CDYL: variants seen among roughly 807,000 people sequenced by gnomAD.
The protein encoded by CDYL is chromodomain Y like, also known as chromodomain Y-like protein.
In CDYL, 8 loss-of-function variants were observed where a neutral mutation model predicts 47.3. The ratio of observed to expected loss-of-function variants is 0.17; its 90% CI spans 0.10 to 0.31. CDYL has a LOEUF of 0.31. CDYL is among the 10% of genes least tolerant of loss of function. CDYL has a pLI of 1.00. For synonymous variants in CDYL, 266 were observed against 265.0 expected, an observed-to-expected ratio of 1.00 and a Z score of -0.04; for missense variants, 471 against 701.4, an observed-to-expected ratio of 0.67 and a Z score of 3.71.
chr6:4,912,289 A>G (rs1442503279), intron 2 of CDYL, among the ~76,000 whole-genome samples: 1 of 151,650 alleles, frequency 6.6e-6, no homozygotes, highest in Non-Finnish European at 1.5e-5. Flanking sequence ...GGTGAATCTG[A>G]TTTGACCCAT....
At chr6:4,731,518 C>T (rs1015850136) in intron 2 of CDYL, among the ~76,000 whole-genome samples, 3 of 152,224 alleles carry the variant, frequency 2.0e-5, no homozygotes, top group Non-Finnish European at 2.9e-5. Flanking sequence ...GCCTCCTGGC[C>T]GGGCATGGTG....
intron 1 of CDYL, among the ~76,000 whole-genome samples, chr6:4,810,873 AC>A (rs1341307489): frequency 6.6e-6 from 1 of 152,242 alleles, no homozygotes; most frequent in Non-Finnish European, 1.5e-5. Flanking sequence ...CAAAAGTCTA[AC>A]CTTTTAGTAC....
intron 1 of CDYL, among the ~76,000 whole-genome samples, chr6:4,874,828 C>T (rs553976314): frequency 2.0e-5 from 3 of 152,238 alleles, no homozygotes; most frequent in African/African-American, 7.2e-5. Context: ...TGTACTTGTT[C>T]GTGTCTGTTT....
intron 2 of CDYL, among the ~76,000 whole-genome samples, chr6:4,893,919 G>C (rs545611926): frequency 2.0e-5 from 3 of 152,342 alleles, no homozygotes; most frequent in African/African-American, 7.2e-5. Flanking sequence ...AGTGGAATAT[G>C]AACTGAAATC....
At position 4,766,852 on chromosome 6, in the gene CDYL, T is replaced by A. The variant is rs116832847; in HGVS notation, c.186+32008T>A. ...AACCCTGTTCTCCACAAAAAAAAAGTTGGCCGGGCATGGTGGCGTTCACCG... is the reference window on the plus strand; with the variant it reads ...AACCCTGTTCTCCACAAAAAAAAAGATGGCCGGGCATGGTGGCGTTCACCG... On this transcript the variant is annotated intron_variant, in intron 3 of 8. Transcript: ENST00000328908. Among the ~76,000 whole-genome samples the A allele has an allele frequency of 5.7e-3, 866 of 151,624 alleles. 11 individuals carry two copies. The highest frequency in any genetic ancestry group is 0.02 in the African/African-American group (839 of 41,342).
rs56879013 is a variant in CDYL, at chr6:4,895,414, T to C, written c.691+3035T>C. Among the ~76,000 whole-genome samples, 16 of 69,342 alleles carry C rather than the reference T, an allele frequency of 2.3e-4. 7 individuals are homozygous for C. Among genetic ancestry groups the C allele is most frequent in the African/African-American group, 8.0e-4 (16 of 20,094 alleles). The allele number at this position is 69,342 out of a possible 152,430, so 45.5% of individuals were successfully genotyped here. ...ATATATGCATGTATACATGTATACG[T>C]ATATATGCATGTATACATGTATACG... On this transcript the variant is annotated intron_variant, in intron 2 of 6. Coordinates refer to ENST00000397588, the MANE Select transcript of CDYL (RefSeq NM_004824.4).
chr6:4,824,669 A>G (rs1301579469), intron 1 of CDYL, among the ~76,000 whole-genome samples: 1 of 152,062 alleles, frequency 6.6e-6, no homozygotes, highest in South Asian at 2.1e-4. Flanking sequence ...TTGGCTTTTC[A>G]CTTGCTTGAT....
At chr6:4,723,871 G>A (rs777392720) in intron 2 of CDYL, among the ~76,000 whole-genome samples, 14 of 152,214 alleles carry the variant, frequency 9.2e-5, no homozygotes, top group Non-Finnish European at 1.5e-4. Context: ...AGGTCTAACC[G>A]GTCCCTGCAG....
intron 1 of CDYL, among the ~76,000 whole-genome samples, chr6:4,883,687 T>C (rs1035005107): frequency 3.3e-5 from 5 of 152,226 alleles, no homozygotes; most frequent in African/African-American, 1.2e-4. Flanking sequence ...GAAAGCTCTG[T>C]TGAAGGCACT....
In CDYL at chr6:4,955,460, A is replaced by G. The variant is rs900207261; in HGVS notation, c.*1404A>G. On this transcript the variant is annotated 3_prime_UTR_variant, in exon 7 of 7. Transcript: ENST00000397588. ...TTTCGTTCAGTAGTTTGAACTATAT[A>G]TAAACTGTACAATCTGTAAAGTTTT... 5 of 152,686 alleles carry G rather than the reference A, an allele frequency of 3.3e-5. No homozygotes were observed. The highest frequency in any genetic ancestry group is 6.5e-5 in the Admixed American group (1 of 15,292). The allele number at this position is 152,686 out of a possible 1,614,324, so 9.5% of individuals were successfully genotyped here.
chr6:4,943,669 T>C lies in CDYL; in HGVS notation c.1245T>C (p.Ala415=), dbSNP rs375737932. Residue 415 remains alanine, a synonymous_variant, in exon 5 of 7, where the codon GCT becomes GCC. Coordinates refer to ENST00000397588, the MANE Select transcript of CDYL (RefSeq NM_004824.4). ...ATGTGGTTTGGGCTAATGAAAAGGC[T>C]TGGTTTCAAACACCCTATACCACCT... ...LCDVVWANEK[A]WFQTPYTTFG... 10 of 1,613,954 alleles carry C rather than the reference T, an allele frequency of 6.2e-6. No homozygotes were observed. The Admixed American group carries it at 6.7e-5, about 11-fold the overall frequency.
chr6:4,938,119 T>C (rs2127521408), intron 4 of CDYL, among the ~76,000 whole-genome samples: 1 of 152,372 alleles, frequency 6.6e-6, no homozygotes, highest in East Asian at 1.9e-4. Context: ...GATAAAGATC[T>C]CTTCCAAATA....
intron 1 of CDYL, among the ~76,000 whole-genome samples, chr6:4,861,388 A>G (rs938702997): frequency 2.0e-5 from 3 of 152,168 alleles, no homozygotes; most frequent in African/African-American, 7.2e-5. Context: ...TCTGCCCCTA[A>G]GTGGCTTTTG....
At chr6:4,777,566 A>G (rs1179647153) in intron 1 of CDYL, among the ~76,000 whole-genome samples, 1 of 152,226 alleles carries the variant, frequency 6.6e-6, no homozygotes, top group African/African-American at 2.4e-5. Context: ...TCCTGGGAGT[A>G]CAGAAGTTTG....
At chr6:4,949,447 G>A (rs553178415) in intron 5 of CDYL, among the ~76,000 whole-genome samples, 9 of 152,168 alleles carry the variant, frequency 5.9e-5, no homozygotes, top group Non-Finnish European at 1.0e-4. Context: ...CAGTTTCCTC[G>A]CCACCCGTCC....
intron 2 of CDYL, 45 bp downstream of exon 2, chr6:4,892,424 G>T: frequency 6.5e-7 from 1 of 1,534,442 alleles, no homozygotes; most frequent in Non-Finnish European, 8.7e-7. Flanking sequence ...GATCCCAGAG[G>T]GCTCGGGTCC....
At chr6:4,708,326 A>C (rs962407354) in intron 1 of CDYL, among the ~76,000 whole-genome samples, 1 of 151,934 alleles carries the variant, frequency 6.6e-6, no homozygotes, top group African/African-American at 2.4e-5. Context: ...ACCATGCCTA[A>C]TTTTTGTATT....
At chr6:4,816,485 T>C (rs1759679467) in intron 1 of CDYL, among the ~76,000 whole-genome samples, 3 of 149,822 alleles carry the variant, frequency 2.0e-5, no homozygotes, top group Admixed American at 2.0e-4. Context: ...CTTTGATTTA[T>C]TTTTCTTTCT....
chr6:4,773,237 CTTG>C (rs1389115199), upstream of CDYL: 5 of 456,754 alleles, frequency 1.1e-5, no homozygotes, highest in South Asian at 1.5e-5. The surrounding 1 kb of genome is among the most constrained non-coding windows in gnomAD (Gnocchi z 4.6). Context: ...TATCGTCTCT[CTTG>C]TTGACCACTT....
Sources: gnomAD v4.1 joint callset for allele counts (sites outside exome capture counted in the v4.1 genomes callset) on GRCh38, gnomAD v4.1.1 for gene constraint, Gnocchi (gnomAD v3.1) non-coding constraint, MANE v1.5 for transcripts, NCBI Gene and HGNC (gene_info 2026-07-23, HGNC 2026-07-21) for gene names.